Variants in UTS2B observed in about 807,000 individuals in gnomAD.
UTS2B encodes urotensin 2B.
A neutral mutation model predicts 19.2 loss-of-function variants in UTS2B; 21 were observed. The ratio of observed to expected loss-of-function variants is 1.09; its 90% confidence interval spans 0.78 to 1.58. The LOEUF is 1.58. Ranked by LOEUF, UTS2B falls within the 40% of genes most tolerant of loss-of-function variation. The probability of loss-of-function intolerance (pLI) is 0.00; values close to 1 mark genes in which losing one functional copy is unlikely to be tolerated. For missense variants in UTS2B, 138 were observed against 130.3 expected, an observed-to-expected ratio of 1.06 and a Z score of -0.29; for synonymous variants, 57 against 50.2, an observed-to-expected ratio of 1.14 and a Z score of -0.58.
intron 2 of UTS2B, among the ~76,000 whole-genome samples, chr3:191,323,760 T>C (rs990488688): frequency 1.3e-5 from 2 of 152,158 alleles, no homozygotes; most frequent in Non-Finnish European, 2.9e-5. Flanking sequence ...TAGGGTCAAG[T>C]GAGAGGCAGT....
chr3:191,336,672 TA>T, the UTS2B span, among the ~76,000 whole-genome samples: 1 of 152,222 alleles, frequency 6.6e-6, no homozygotes. Context: ...TGATATTAGC[TA>T]AATCTCTTAG....
At chr3:191,282,427 AG>A (rs1188080437) in intron 4 of UTS2B, 114 bp from the exon 5 acceptor site, 2 of 415,600 alleles carry the variant, frequency 4.8e-6, no homozygotes, top group African/African-American at 4.0e-5. Flanking sequence ...AGTCAATGGC[AG>A]GAAGAACCCA....
intron 8 of UTS2B, among the ~76,000 whole-genome samples, chr3:191,274,024 C>T (rs1716164104): frequency 1.3e-5 from 2 of 152,054 alleles, no homozygotes; most frequent in South Asian, 4.1e-4. Context: ...ATTGCTTGAA[C>T]CCCAGAGACA....
At chr3:191,286,976 AACTGT>A (rs1419181222) in intron 4 of UTS2B, among the ~76,000 whole-genome samples, 1 of 150,854 alleles carries the variant, frequency 6.6e-6, no homozygotes, top group East Asian at 1.9e-4. Context: ...CACTACAAGC[AACTGT>A]ATGTCAACAA....
At chr3:191,288,668 A>T (rs945922329) in intron 4 of UTS2B, among the ~76,000 whole-genome samples, 16 of 39,518 alleles carry the variant, frequency 4.0e-4, no homozygotes, top group Non-Finnish European at 1.2e-3. Flanking sequence ...AATCTACTGT[A>T]AAAAAAAAAC....
intron 3 of UTS2B, among the ~76,000 whole-genome samples, chr3:191,305,651 G>A (rs991916069): frequency 1.3e-5 from 2 of 152,124 alleles, no homozygotes; most frequent in African/African-American, 4.8e-5. Context: ...GTGCTGTGCA[G>A]AAGCTTCTTA....
At chr3:191,280,780 C>A (rs1406370632) in intron 5 of UTS2B, among the ~76,000 whole-genome samples, 1 of 152,090 alleles carries the variant, frequency 6.6e-6, no homozygotes, top group Non-Finnish European at 1.5e-5. Flanking sequence ...CCTAATTTTG[C>A]AAAGTCTTCA....
chr3:191,273,387 T>C (rs1401146505), intron 8 of UTS2B: 1 of 436,868 alleles, frequency 2.3e-6, no homozygotes, highest in East Asian at 7.0e-5. Context: ...TTTACCAACC[T>C]GCCTTGCCAT....
At chr3:191,340,665 G>A in the UTS2B span, among the ~76,000 whole-genome samples, 3 of 152,064 alleles carry the variant, frequency 2.0e-5, no homozygotes, top group Admixed American at 6.6e-5. Flanking sequence ...TTGGAGTGGC[G>A]GAGCTTATTA....
chr3:191,276,619 T>C (rs1384594821), intron 7 of UTS2B, among the ~76,000 whole-genome samples, 188 bp downstream of exon 7: 1 of 152,188 alleles, frequency 6.6e-6, no homozygotes, highest in Non-Finnish European at 1.5e-5. Flanking sequence ...TCAGCCATAG[T>C]TTTGTTTTGT....
upstream of UTS2B, among the ~76,000 whole-genome samples, chr3:191,333,285 C>A (rs376029746): frequency 2.0e-5 from 3 of 152,170 alleles, no homozygotes; most frequent in Admixed American, 6.5e-5. Context: ...CTAGAAAGCA[C>A]TGATTTATTT....
chr3:191,315,038 G>A (rs570995120), intron 3 of UTS2B, among the ~76,000 whole-genome samples: 1 of 148,276 alleles, frequency 6.7e-6, no homozygotes, highest in East Asian at 1.9e-4. Context: ...TTGAGATGGA[G>A]TTTCACTGTT....
At chr3:191,321,191 G>C (rs1717601604) in intron 2 of UTS2B, among the ~76,000 whole-genome samples, 1 of 152,146 alleles carries the variant, frequency 6.6e-6, no homozygotes, top group Admixed American at 6.6e-5. Flanking sequence ...AATGATGTAA[G>C]TGTGTGTGGG....
chr3:191,287,992 C>T (rs1186554260), intron 4 of UTS2B, among the ~76,000 whole-genome samples: 1 of 152,084 alleles, frequency 6.6e-6, no homozygotes. Context: ...TCTGTATATA[C>T]TGACAATGAC....
chr3:191,325,307 A>G (rs1560149242), intron 2 of UTS2B, among the ~76,000 whole-genome samples: 2 of 151,064 alleles, frequency 1.3e-5, no homozygotes, highest in African/African-American at 4.9e-5. Context: ...AAAATAGGAA[A>G]GACATATGTT....
intron 4 of UTS2B, among the ~76,000 whole-genome samples, chr3:191,298,945 G>A (rs1716924231): frequency 6.6e-6 from 1 of 152,208 alleles, no homozygotes; most frequent in Admixed American, 6.5e-5. Flanking sequence ...AATGCATTAT[G>A]CCCCTGCTCT....
chr3:191,297,715 G>A (rs12638308), intron 4 of UTS2B, among the ~76,000 whole-genome samples: 58,705 of 152,036 alleles, frequency 0.39, 11,847 homozygotes, highest in East Asian at 0.64. Context: ...TAAAGGAGAA[G>A]ACAGATAATA....
At chr3:191,326,880 C>T (rs1717756227) in intron 2 of UTS2B, among the ~76,000 whole-genome samples, 1 of 152,214 alleles carries the variant, frequency 6.6e-6, no homozygotes, top group Non-Finnish European at 1.5e-5. Flanking sequence ...GAAAGCCCAA[C>T]TATGGGGTGG....
chr3:191,299,478 G>A (rs1226515786), intron 4 of UTS2B, among the ~76,000 whole-genome samples: 1 of 152,246 alleles, frequency 6.6e-6, no homozygotes, highest in Non-Finnish European at 1.5e-5. Context: ...TTCAGGGAGT[G>A]CAAGCCATGA....
Sources: allele counts gnomAD v4.1 joint callset (sites outside exome capture counted in the v4.1 genomes callset), GRCh38; gene constraint gnomAD v4.1.1; transcripts MANE v1.5; gene names NCBI Gene and HGNC (gene_info 2026-07-23, HGNC 2026-07-21).